PRRC2A: variants seen among roughly 807,000 people sequenced by gnomAD.
PRRC2A encodes the protein protein PRRC2A.
PRRC2A carries 59 observed loss-of-function variants against 224.6 expected under a neutral mutation model. The observed-to-expected ratio is 0.26, with a 90% CI of 0.21 to 0.33. The LOEUF is 0.33. Ranked by LOEUF, PRRC2A falls within the 10% of genes least tolerant of loss-of-function variation. The pLI is 1.00. For missense variants in PRRC2A, 3,095 were observed against 2,880.7 expected (o/e 1.07, Z -1.70); for synonymous variants, 1,194 against 1,109.5 (o/e 1.08, Z -1.51).
Position 31,634,478 on chromosome 6 carries a change from G to C in PRRC2A, c.4856G>C (p.Ser1619Thr). The C allele has an allele frequency of 6.2e-7, 1 of 1,612,982 alleles. No homozygotes were observed. Among genetic ancestry groups the C allele is most frequent in the African/African-American group, 1.3e-5 (1 of 75,040 alleles). The change falls in exon 20 of 31, where the codon AGC becomes ACC. Residue 1619 changes from serine to threonine, a missense_variant. Physicochemically the swap from Ser to Thr is moderately conservative, Grantham distance 58. Coordinates refer to ENST00000376033, the MANE Select transcript of PRRC2A (RefSeq NM_004638.4). ...HIWNRLHTATSRKSYRPSSME... is the reference protein window; with the variant it reads ...HIWNRLHTATTRKSYRPSSME... ...TTGGTGCTCCCTTCTCCAGCCACTAGCCGAAAGAGTTACCGGCCCAGCTCC... is the reference window on the plus strand; with the variant it reads ...TTGGTGCTCCCTTCTCCAGCCACTACCCGAAAGAGTTACCGGCCCAGCTCC...
intron 1 of PRRC2A, among the ~76,000 whole-genome samples, chr6:31,621,475 G>A (rs550070121): frequency 1.3e-5 from 2 of 148,960 alleles, no homozygotes; most frequent in African/African-American, 4.9e-5. Context: ...CCCTTACTTC[G>A]TTGTCTACAT....
At position 31,625,136 on chromosome 6, in the gene PRRC2A, C is replaced by T. The variant is rs114906356; in HGVS notation, c.464-35C>T. The T allele has an allele frequency of 3.3e-4, 524 of 1,594,242 alleles. 1 individual carries two copies. The African/African-American group carries it at 6.6e-3, about 20-fold the overall frequency. On this transcript the variant is annotated intron_variant, in intron 5 of 30. Coordinates refer to ENST00000376033, the MANE Select transcript of PRRC2A (RefSeq NM_004638.4). This position sits in a 1 kb window ranked among gnomAD's most constrained non-coding sequence, Gnocchi z 4.1. ...TTTATAGCATGTCCTCAGGAAATGT[C>T]TTCTGTCTCCTGTTCTGCATCCCCA...
chr6:31,633,575 G>A lies in PRRC2A; in HGVS notation c.4516G>A (p.Ala1506Thr), dbSNP rs1241894147. ...HPRHKPGLPQ[A>T]PQGPSPRPPT... ...AAGGCACAAGCCTGGGCTTCCCCAA[G>A]CCCCTCAGGGCCCCTCTCCTAGGCC... Residue 1506 changes from alanine to threonine, a missense_variant, in exon 17 of 31, where the codon GCC (alanine) becomes ACC (threonine). Physicochemically the swap from Ala to Thr is moderately conservative, Grantham distance 58. This residue lies in a region of PRRC2A where 2,001 missense variants were observed against 1,764.9 expected (regional missense o/e 1.13). Transcript: ENST00000376033. 2 of 1,612,982 alleles carry A rather than the reference G, an allele frequency of 1.2e-6. No homozygotes were observed. Among genetic ancestry groups the A allele is most frequent in the Non-Finnish European group, 1.7e-6 (2 of 1,179,940 alleles).
chr6:31,623,780 G>A lies in PRRC2A; in HGVS notation c.161G>A (p.Arg54Gln). 1 of 1,614,184 alleles carries A rather than the reference G, an allele frequency of 6.2e-7. No individual in the cohort carries two copies. The highest frequency in any genetic ancestry group is 1.6e-4 in the Middle Eastern group (1 of 6,062). The change falls in exon 3 of 31, where the codon CGG (arginine) becomes CAG (glutamine). Residue 54 changes from arginine to glutamine, a missense_variant. Physicochemically the swap from Arg to Gln is conservative, Grantham distance 43. This residue lies in a region of PRRC2A where 3 missense variants were observed against 19.5 expected (regional missense o/e 0.15). Coordinates refer to ENST00000376033, the MANE Select transcript of PRRC2A (RefSeq NM_004638.4). The part of the protein sequence containing the change: ...LQSLGKVAIA[R>Q]RMPPPANLPS... ...AGTCTCGGGAAAGTTGCCATTGCCC[G>A]GCGTATGCCACCTCCAGCCAACCTT...
At chr6:31,633,798 G>A (rs1395886944) in intron 17 of PRRC2A, 61 bp from the exon 18 acceptor site, 3 of 1,541,464 alleles carry the variant, frequency 1.9e-6, no homozygotes, top group Non-Finnish European at 2.6e-6. Context: ...GTGGAGTAGA[G>A]AGGAAAAGTT....
At position 31,631,204 on chromosome 6, in the gene PRRC2A, A is replaced by G. The variant is rs547028470; in HGVS notation, c.2531A>G (p.Asn844Ser). ...GCCAGTTATCCAGGCTTTCCTGAGAATGGAGCCCCTGGGCCCCCAATCTCT... is the reference window on the plus strand; with the variant it reads ...GCCAGTTATCCAGGCTTTCCTGAGAGTGGAGCCCCTGGGCCCCCAATCTCT... ...YLASYPGFPENGAPGPPISRF... is the reference protein window; with the variant it reads ...YLASYPGFPESGAPGPPISRF... Residue 844 changes from asparagine (N) to serine (S), a missense_variant, in exon 16 of 31, where the codon AAT becomes AGT. By Grantham distance (46) the Asn-to-Ser change is conservative. Coordinates refer to ENST00000376033, the MANE Select transcript of PRRC2A (RefSeq NM_004638.4). This position sits in a 1 kb window ranked among gnomAD's most constrained non-coding sequence, Gnocchi z 4.5. The G allele has an allele frequency of 3.8e-6, 6 of 1,599,444 alleles. No individual in the cohort carries two copies. The highest frequency in any genetic ancestry group is 4.3e-6 in the Non-Finnish European group (5 of 1,173,558).
chr6:31,634,159 C>G, intron 18 of PRRC2A, 77 bp from the exon 19 acceptor site: 3 of 1,568,254 alleles, frequency 1.9e-6, no homozygotes, highest in Non-Finnish European at 2.6e-6. Flanking sequence ...CCTGTGTCAC[C>G]CCACTCTGTC....
Position 31,628,023 on chromosome 6 carries a change from A to G in PRRC2A, c.1549A>G (p.Thr517Ala). The G allele has an allele frequency of 6.2e-7, 1 of 1,612,484 alleles. No individual in the cohort carries two copies. Among genetic ancestry groups the G allele is most frequent in the African/African-American group, 1.3e-5 (1 of 74,954 alleles). ...TGCTGCCCCACCTGCTGCCCCTTCT[A>G]CCCCAGCTCCACCACCTGCAGTCCC... ...EPAAPPAAPS[T>A]PAPPPAVPKE... is the part of the protein sequence containing the mutation. Residue 517 changes from threonine to alanine, a missense_variant, in exon 12 of 31, where the codon ACC becomes GCC. By Grantham distance (58) the Thr-to-Ala change is moderately conservative (BLOSUM62 0). Coordinates refer to ENST00000376033, the MANE Select transcript of PRRC2A (RefSeq NM_004638.4).
rs1776037818 is a variant in PRRC2A at position 31,627,417 on chromosome 6, AAGG to A, written c.1290+222_1290+224del. On this transcript the variant is annotated intron_variant, in intron 11 of 30. Transcript: ENST00000376033. The surrounding 1 kb of genome is among the most constrained non-coding windows in gnomAD (Gnocchi z 5.6). ...GGGATGCTAATGAGGAAAGAAGAAA[AAGG>A]AGCCCTGGGTGTTTGGGTTTCGGAA... 6.6e-6 allele frequency among the ~76,000 whole-genome samples: 1 copy of A among 152,196 alleles called. No homozygotes were observed. The highest frequency in any genetic ancestry group is 1.9e-4 in the East Asian group (1 of 5,200).
chr6:31,625,547 G>C lies in PRRC2A; in HGVS notation c.695G>C (p.Arg232Pro). The change falls in exon 7 of 31, where the codon CGG becomes CCG. Residue 232 changes from arginine to proline, a missense_variant. Transcript: ENST00000376033. The surrounding 1 kb of genome is among the most constrained non-coding windows in gnomAD (Gnocchi z 4.1). ...AAACTTCATCATGGTCATGATCCCCGGGGTGGGCTACAGCCTTCAGGCCCA... is the reference window on the plus strand; with the variant it reads ...AAACTTCATCATGGTCATGATCCCCCGGGTGGGCTACAGCCTTCAGGCCCA... ...DSKLHHGHDPRGGLQPSGPPQ... is the reference protein window; with the variant it reads ...DSKLHHGHDPPGGLQPSGPPQ... The C allele has an allele frequency of 6.4e-7, 1 of 1,574,410 alleles. No homozygotes were observed. The highest frequency in any genetic ancestry group is 8.6e-7 in the Non-Finnish European group (1 of 1,157,268).
Position 31,631,881 on chromosome 6 carries a change from A to G in PRRC2A, c.3208A>G (p.Thr1070Ala). The change falls in exon 16 of 31, where the codon ACA (threonine) becomes GCA (alanine). Residue 1070 changes from threonine (T) to alanine (A), a missense_variant. Physicochemically the swap from Thr to Ala is moderately conservative, Grantham distance 58. Around this residue, in one of 8 missense-constraint regions of PRRC2A, gnomAD observed 2,001 missense variants for 1,764.9 expected, o/e 1.13. Transcript: ENST00000376033. The surrounding 1 kb of genome is among the most constrained non-coding windows in gnomAD (Gnocchi z 4.5). ...FRGDDGRGGG[T>A]GGPNHPPAPR... ...AGGAGATGATGGGCGTGGAGGTGGG[A>G]CAGGGGGACCAAACCACCCTCCTGC... 1 of 1,610,890 alleles carries G rather than the reference A, an allele frequency of 6.2e-7. No individual in the cohort carries two copies.
chr6:31,622,639 C>T, intron 1 of PRRC2A, 51 bp from the exon 2 acceptor site: 1 of 626,290 alleles, frequency 1.6e-6, no homozygotes, highest in Non-Finnish European at 2.8e-6. Flanking sequence ...ATATCTGAGT[C>T]CCTAATGATA....
Position 31,636,507 on chromosome 6 carries a change from C to T in PRRC2A, c.5836-3C>T. 4 of 1,608,262 alleles carry T rather than the reference C, an allele frequency of 2.5e-6. No homozygotes were observed. Among genetic ancestry groups the T allele is most frequent in the Non-Finnish European group, 3.4e-6 (4 of 1,177,008 alleles). On this transcript the variant is annotated splice_polypyrimidine_tract_variant and splice_region_variant and intron_variant, in intron 26 of 30. Transcript: ENST00000376033. This position sits in a 1 kb window ranked among gnomAD's most constrained non-coding sequence, Gnocchi z 4.3. ...TGATATATTTCTCCCTGTTTCCCGA[C>T]AGGTACGCCAGGATCTGCCATCCCC... is the stretch of plus-strand genomic sequence containing the variant.
chr6:31,637,759 T>TA lies in PRRC2A; in HGVS notation c.*173_*174insA. The TA allele has an allele frequency of 4.6e-6, 2 of 434,762 alleles. No individual in the cohort carries two copies. The highest frequency in any genetic ancestry group is 3.5e-5 in the East Asian group (1 of 28,206). The allele number at this position is 434,762 out of a possible 1,614,324, so 26.9% of individuals were successfully genotyped here. On this transcript the variant is annotated 3_prime_UTR_variant, in exon 31 of 31. Transcript: ENST00000376033. ...TGTTAAAAAAGAGTAATAAAAGGATTTAAAAAAAAAAACTTCTACAATGAT... is the reference window on the plus strand; with the variant it reads ...TGTTAAAAAAGAGTAATAAAAGGATTATAAAAAAAAAAACTTCTACAATGAT...
At chr6:31,629,036 G>C (rs912404095) in intron 12 of PRRC2A, 108 bp from the exon 13 acceptor site, 1 of 1,140,492 alleles carries the variant, frequency 8.8e-7, no homozygotes, top group African/African-American at 1.5e-5. Context: ...ATGTTGAATA[G>C]AATATTTTAG....
At chr6:31,622,972 T>C in intron 2 of PRRC2A, 71 bp downstream of exon 2, 1 of 1,272,620 alleles carries the variant, frequency 7.9e-7, no homozygotes, top group South Asian at 1.2e-5. Context: ...TTTAGAGCTC[T>C]TTAAAGGGAA....
At chr6:31,628,380 C>A in intron 12 of PRRC2A, 141 bp downstream of exon 12, 2 of 1,361,202 alleles carry the variant, frequency 1.5e-6, no homozygotes, top group Non-Finnish European at 9.7e-7. Context: ...AGTGTTCTAT[C>A]ATTTGTATAT....
chr6:31,628,476 C>T (rs1216876233), intron 12 of PRRC2A, among the ~76,000 whole-genome samples: 5 of 152,138 alleles, frequency 3.3e-5, no homozygotes, highest in Admixed American at 2.6e-4. Context: ...CGCCTATAAT[C>T]CCAACACTTA....
chr6:31,636,605 G>A lies in PRRC2A; in HGVS notation c.5931G>A (p.Gln1977=), dbSNP rs1240939746. ...TTCTCCCTTCAGGGGCTCCTGCCCA[G>A]CAGGTATATTGTATCTTCACACTTC... ...SGFLPSGAPA[Q]QMLLPMVDSQ... Residue 1977 remains glutamine (Q), a synonymous_variant, in exon 27 of 31, where the codon CAG becomes CAA. Transcript: ENST00000376033. The surrounding 1 kb of genome is among the most constrained non-coding windows in gnomAD (Gnocchi z 4.3). 1.9e-6 allele frequency: 3 copies of A among 1,599,900 alleles called. No individual in the cohort carries two copies. The highest frequency in any genetic ancestry group is 2.6e-6 in the Non-Finnish European group (3 of 1,173,242).
Sources: allele counts gnomAD v4.1 joint callset (sites outside exome capture counted in the v4.1 genomes callset), GRCh38; gene constraint gnomAD v4.1.1; regional missense constraint gnomAD v4.1.1; non-coding constraint Gnocchi (gnomAD v3.1); transcripts MANE v1.5; gene names NCBI Gene and HGNC (gene_info 2026-07-23, HGNC 2026-07-21).